Variants in NMT2 observed in about 807,000 individuals in gnomAD.
NMT2 encodes glycylpeptide N-tetradecanoyltransferase 2.
In NMT2, 35 loss-of-function variants were observed where a neutral mutation model predicts 65.4. The observed-to-expected ratio is 0.54, with a 90% CI of 0.41 to 0.71. The LOEUF (loss-of-function observed/expected upper bound fraction) is 0.71, where lower values mean the gene tolerates loss of function less well. NMT2 is among the 30% of genes least tolerant of loss of function. The pLI is 0.00. For synonymous variants in NMT2, 226 were observed against 231.8 expected, an observed-to-expected ratio of 0.98 and a Z score of 0.23; for missense variants, 489 against 611.3, an observed-to-expected ratio of 0.80 and a Z score of 2.11.
At chr10:15,147,360 C>T (rs893998534) in intron 1 of NMT2, among the ~76,000 whole-genome samples, 1 of 151,924 alleles carries the variant, frequency 6.6e-6, no homozygotes, top group Non-Finnish European at 1.5e-5. Flanking sequence ...TCTTCTCATT[C>T]GTATTTTCAT....
chr10:15,121,570 T>TTGG (rs1252329404), intron 8 of NMT2, among the ~76,000 whole-genome samples: 6 of 152,226 alleles, frequency 3.9e-5, no homozygotes, highest in African/African-American at 1.4e-4. Context: ...TTTCACCACG[T>TTGG]TGGCCAGGCT....
At chr10:15,134,184 A>T (rs1040514652) in intron 3 of NMT2, among the ~76,000 whole-genome samples, 5 of 152,154 alleles carry the variant, frequency 3.3e-5, no homozygotes, top group Non-Finnish European at 7.3e-5. Context: ...AGTTCAGGCC[A>T]TCACAATTTC....
chr10:15,161,481 G>A (rs1232737940), intron 1 of NMT2, among the ~76,000 whole-genome samples: 1 of 151,932 alleles, frequency 6.6e-6, no homozygotes, highest in African/African-American at 2.4e-5. Context: ...TCAGCCTCCC[G>A]AGTAGCTGAG....
intron 8 of NMT2, 57 bp from the exon 9 acceptor site, chr10:15,119,570 G>A (rs1845855934): frequency 1.8e-5 from 26 of 1,485,064 alleles, no homozygotes; most frequent in South Asian, 1.6e-4. Flanking sequence ...GGAGTGAAAC[G>A]ACTTTGCACT....
At chr10:15,113,449 G>A (rs1168313909) in intron 9 of NMT2, among the ~76,000 whole-genome samples, 4 of 105,846 alleles carry the variant, frequency 3.8e-5, no homozygotes, top group Admixed American at 1.3e-4. Context: ...CAGCCTGGGC[G>A]ACAGGATGAG....
rs1833462589 is a variant in NMT2 at position 15,168,661 on chromosome 10, G to T, written c.-49C>A. The T allele has an allele frequency of 1.4e-6, 2 of 1,441,750 alleles. No individual in the cohort carries two copies. Among genetic ancestry groups the T allele is most frequent in the Non-Finnish European group, 1.9e-6 (2 of 1,064,654 alleles). 89.3% of individuals were successfully genotyped at this position (1,441,750 alleles called of 1,614,324 possible). On this transcript the variant is annotated 5_prime_UTR_variant, in exon 1 of 12. Transcript: ENST00000378165. Reference sequence around the variant, plus strand: ...CGGTGCTCGGGGCCGGGCCGGAGCGGCCGCAGCTCCCTCTAGTGCCTCCCG... The same window carrying T: ...CGGTGCTCGGGGCCGGGCCGGAGCGTCCGCAGCTCCCTCTAGTGCCTCCCG...
Position 15,119,459 on chromosome 10 carries a change from G to A in NMT2, c.1054C>T (p.Arg352Ter), listed in dbSNP as rs2131500416. The A allele has an allele frequency of 3.1e-6, 5 of 1,614,008 alleles. No individual in the cohort carries two copies. The highest frequency in any genetic ancestry group is 1.3e-5 in the African/African-American group (1 of 75,018). The change falls in exon 9 of 12, where the codon CGA (arginine) becomes TGA (stop). Residue 352 changes from arginine to a stop codon, truncating the protein, a stop_gained. Coordinates refer to ENST00000378165, the MANE Select transcript of NMT2 (RefSeq NM_004808.3). LOFTEE classifies it high-confidence loss of function. Reference sequence around the variant, plus strand: ...TTCAGGTAAGTGTTGATTAATTCTCGAACTGATTTGATATCTTTTGGTTCC... The same window carrying A: ...TTCAGGTAAGTGTTGATTAATTCTCAAACTGATTTGATATCTTTTGGTTCC... Reference protein sequence around the residue: ...PMEPKDIKSVRELINTYLKQF... With the variant: ...PMEPKDIKSV
intron 9 of NMT2, among the ~76,000 whole-genome samples, chr10:15,114,375 A>C (rs1436333689): frequency 6.6e-6 from 1 of 152,146 alleles, no homozygotes. Flanking sequence ...AGAATCACCA[A>C]CTGTTGGGGA....
intron 2 of NMT2, chr10:15,139,775 T>C (rs2131572686): frequency 1.3e-5 from 2 of 148,742 alleles, no homozygotes; most frequent in Middle Eastern, 7.0e-3. Flanking sequence ...ACATCAAAAC[T>C]ACCTGCAAGT....
chr10:15,161,101 A>AAAAAAAAAAAAC (rs1833178723), intron 1 of NMT2, among the ~76,000 whole-genome samples: 1 of 149,752 alleles, frequency 6.7e-6, no homozygotes, highest in African/African-American at 2.4e-5. Context: ...AAAAAAAAAA[A>AAAAAAAAAAAAC]AAAAAAAAAC....
At chr10:15,141,265 T>C (rs1297291055) in intron 2 of NMT2, 157 bp downstream of exon 2, 2 of 1,026,554 alleles carry the variant, frequency 1.9e-6, no homozygotes, top group Non-Finnish European at 2.9e-6. Context: ...CCAAAGTCCA[T>C]TTTAAGGAGG....
chr10:15,109,618 G>C, intron 11 of NMT2, 84 bp downstream of exon 11: 1 of 1,007,050 alleles, frequency 9.9e-7, no homozygotes, highest in Non-Finnish European at 1.4e-6. Context: ...ATAAAATAAA[G>C]CTGTCTTAAG....
intron 6 of NMT2, among the ~76,000 whole-genome samples, 194 bp from the exon 7 acceptor site, chr10:15,130,506 A>C (rs1023407410): frequency 2.6e-5 from 4 of 151,874 alleles, no homozygotes; most frequent in African/African-American, 9.7e-5. Flanking sequence ...CAGGAGTTCC[A>C]GACCAGCCTG....
rs200886631 is a variant in NMT2, at chr10:15,109,686, T to C, written c.1476+16A>G. 3.0e-5 allele frequency: 48 copies of C among 1,598,938 alleles called. No individual in the cohort carries two copies. The Middle Eastern group carries it at 1.3e-3, about 45-fold the overall frequency. On this transcript the variant is annotated intron_variant, in intron 11 of 11. Coordinates refer to ENST00000378165, the MANE Select transcript of NMT2 (RefSeq NM_004808.3). ...ACATTTGTTGAGTTTACAAGGGCTA[T>C]ATCCATTTCACTTACCTTTTCAGAA...
chr10:15,159,361 T>C (rs190853708), intron 1 of NMT2, among the ~76,000 whole-genome samples: 1 of 152,236 alleles, frequency 6.6e-6, no homozygotes, highest in African/African-American at 2.4e-5. Context: ...TATTTTCAGA[T>C]AACCTATTGT....
Position 15,109,748 on chromosome 10 carries a change from T to C in NMT2, c.1430A>G (p.Gln477Arg). ...ACACCTCCAATTGTACAGGTAATAC[T>C]GCAAATTGCCATCTCCTATACCAAA... The part of the protein sequence containing the change: ...LKFGIGDGNL[Q>R]YYLYNWRCPG... Residue 477 changes from glutamine (Q) to arginine (R), a missense_variant, in exon 11 of 12, where the codon CAG becomes CGG. Transcript: ENST00000378165. 1.2e-6 allele frequency: 2 copies of C among 1,613,834 alleles called. No individual in the cohort carries two copies. Among genetic ancestry groups the C allele is most frequent in the Non-Finnish European group, 8.5e-7 (1 of 1,179,874 alleles).
rs192034387 is a variant in NMT2 at position 15,155,115 on chromosome 10, T to C, written c.110+13388A>G. The C allele has an allele frequency of 5.2e-3, 7,600 of 1,471,122 alleles. 31 individuals are homozygous for C. The highest frequency in any genetic ancestry group is 6.1e-3 in the Non-Finnish European group (6,427 of 1,053,318). 91.1% of individuals were successfully genotyped at this position (1,471,122 alleles called of 1,614,324 possible). ...GACAGACTTGCCACCAGTGCCATTA[T>C]GGCATGTAAAGTCACCACCCTGACA... On this transcript the variant is annotated intron_variant, in intron 1 of 11. Coordinates refer to ENST00000378165, the MANE Select transcript of NMT2 (RefSeq NM_004808.3).
intron 1 of NMT2, among the ~76,000 whole-genome samples, chr10:15,160,175 G>A (rs944513236): frequency 6.6e-6 from 1 of 152,236 alleles, no homozygotes; most frequent in Middle Eastern, 3.4e-3. Flanking sequence ...TGTTTTCTGC[G>A]CTACTCTGTA....
chr10:15,167,640 C>G (rs1833418928), intron 1 of NMT2, among the ~76,000 whole-genome samples: 1 of 152,180 alleles, frequency 6.6e-6, no homozygotes. Flanking sequence ...TAAAATGACC[C>G]ACTGCCTCTA....
Sources: allele counts gnomAD v4.1 joint callset (sites outside exome capture counted in the v4.1 genomes callset), GRCh38; gene constraint gnomAD v4.1.1; transcripts MANE v1.5; gene names NCBI Gene and HGNC (gene_info 2026-07-23, HGNC 2026-07-21).